COL8A1: variants seen among roughly 807,000 people sequenced by gnomAD.
COL8A1 encodes collagen alpha-1(VIII) chain.
A neutral mutation model predicts 42.7 loss-of-function variants in COL8A1; 21 were observed. The ratio of observed to expected loss-of-function variants is 0.49; its 90% confidence interval spans 0.35 to 0.71. The LOEUF is 0.71. COL8A1 is among the 30% of genes least tolerant of loss of function. COL8A1 has a pLI of 0.01. For missense variants in COL8A1, 788 were observed against 962.4 expected (o/e 0.82, Z 2.40); for synonymous variants, 367 against 369.1 (o/e 0.99, Z 0.06).
At chr3:99,772,045 A>AT (rs1034880257) in intron 2 of COL8A1, among the ~76,000 whole-genome samples, 1 of 152,158 alleles carries the variant, frequency 6.6e-6, no homozygotes, top group Admixed American at 6.6e-5. Flanking sequence ...GCCCACATGC[A>AT]TTTTTTCTTA....
chr3:99,716,773 T>C (rs1045135601), intron 1 of COL8A1, among the ~76,000 whole-genome samples: 2 of 152,046 alleles, frequency 1.3e-5, no homozygotes, highest in African/African-American at 2.4e-5. Context: ...TATTTGACCC[T>C]AAAGCTTGCT....
At chr3:99,732,162 A>C (rs1940529409) in intron 1 of COL8A1, among the ~76,000 whole-genome samples, 2 of 152,304 alleles carry the variant, frequency 1.3e-5, no homozygotes, top group Middle Eastern at 3.4e-3. Flanking sequence ...TAAAACGATT[A>C]ATGCATTCTT....
intron 1 of COL8A1, among the ~76,000 whole-genome samples, chr3:99,667,812 A>G (rs1938412814): frequency 6.6e-6 from 1 of 152,160 alleles, no homozygotes; most frequent in Non-Finnish European, 1.5e-5. Context: ...AAGAAAAACA[A>G]GTGCACTTCC....
intron 1 of COL8A1, among the ~76,000 whole-genome samples, chr3:99,734,074 G>A (rs967962105): frequency 1.4e-4 from 21 of 152,014 alleles, no homozygotes; most frequent in African/African-American, 4.4e-4. Context: ...AGTAGGTTGT[G>A]AAAATTTTCT....
intron 2 of COL8A1, among the ~76,000 whole-genome samples, chr3:99,773,837 A>ATATATATATATATATATATATT (rs1200212756): frequency 2.2e-5 from 1 of 45,400 alleles, no homozygotes; most frequent in Non-Finnish European, 3.6e-5. Flanking sequence ...ATATATATAT[A>ATATATATATATATATATATATT]TTTTTTTTTT....
At chr3:99,672,341 A>G (rs888549488) in intron 1 of COL8A1, among the ~76,000 whole-genome samples, 2 of 151,982 alleles carry the variant, frequency 1.3e-5, no homozygotes, top group Non-Finnish European at 2.9e-5. Context: ...CTTCCATGTC[A>G]ATTGGAACTA....
In COL8A1 at chr3:99,798,971, A is replaced by G. The variant is rs1166711787; in HGVS notation, c.*2835A>G. On this transcript the variant is annotated 3_prime_UTR_variant, in exon 4 of 4. Transcript: ENST00000652472. ...ATTAACCAGAATTCTTCCATGTGAA[A>G]TGGACCAAACTCATATTATTGTTAT... 1.3e-5 allele frequency: 2 copies of G among 152,236 alleles called. No individual in the cohort carries two copies. Among genetic ancestry groups the G allele is most frequent in the Non-Finnish European group, 2.9e-5 (2 of 68,046 alleles). 9.4% of individuals were successfully genotyped at this position (152,236 alleles called of 1,614,324 possible).
intron 2 of COL8A1, among the ~76,000 whole-genome samples, chr3:99,765,451 G>A (rs1379349571): frequency 6.6e-6 from 1 of 152,148 alleles, no homozygotes; most frequent in African/African-American, 2.4e-5. Flanking sequence ...AAGCCAGAGG[G>A]AATTATAGCA....
intron 1 of COL8A1, among the ~76,000 whole-genome samples, chr3:99,696,333 A>G (rs1939364797): frequency 6.6e-6 from 1 of 152,206 alleles, no homozygotes; most frequent in African/African-American, 2.4e-5. Flanking sequence ...CTTATTTCAA[A>G]TATTCTCAAG....
chr3:99,716,948 T>C, intron 1 of COL8A1, among the ~76,000 whole-genome samples: 1 of 151,988 alleles, frequency 6.6e-6, no homozygotes, highest in East Asian at 1.9e-4. Flanking sequence ...TTCTTCAGCA[T>C]TCACTTTGAA....
chr3:99,653,099 T>G (rs959434539), intron 1 of COL8A1, among the ~76,000 whole-genome samples: 1 of 152,182 alleles, frequency 6.6e-6, no homozygotes, highest in African/African-American at 2.4e-5. Flanking sequence ...TAAGATAACA[T>G]GTAAGAAAGT....
intron 1 of COL8A1, chr3:99,685,441 T>C (rs1437799022): frequency 1.3e-5 from 2 of 152,242 alleles, no homozygotes; most frequent in South Asian, 4.1e-4. Flanking sequence ...AGTTTCTGCA[T>C]GATCTTAGAA....
intron 1 of COL8A1, among the ~76,000 whole-genome samples, chr3:99,741,891 T>C (rs1940909467): frequency 6.6e-6 from 1 of 152,270 alleles, no homozygotes; most frequent in South Asian, 2.1e-4. Flanking sequence ...ACAAAGAATC[T>C]GGCCATGTTT....
intron 1 of COL8A1, among the ~76,000 whole-genome samples, chr3:99,712,227 G>A (rs1939856735): frequency 6.6e-6 from 1 of 152,118 alleles, no homozygotes; most frequent in East Asian, 1.9e-4. Context: ...GGTTCAAGTG[G>A]TACTTTCTTT....
At chr3:99,788,194 T>C (rs1302493095) in intron 2 of COL8A1, among the ~76,000 whole-genome samples, 2 of 152,122 alleles carry the variant, frequency 1.3e-5, no homozygotes, top group Non-Finnish European at 2.9e-5. Context: ...GGCCCTTATA[T>C]AAATATTCAC....
intron 1 of COL8A1, among the ~76,000 whole-genome samples, chr3:99,737,320 T>C (rs1559623145): frequency 6.6e-6 from 1 of 152,134 alleles, no homozygotes. Context: ...TTCTTCCTAG[T>C]CTCGATGGTC....
At chr3:99,657,039 T>C (rs1305466905) in intron 1 of COL8A1, among the ~76,000 whole-genome samples, 4 of 152,224 alleles carry the variant, frequency 2.6e-5, no homozygotes, top group Non-Finnish European at 4.4e-5. Context: ...ATTCAAACCT[T>C]AAGATGGTTT....
At position 99,797,095 on chromosome 3, in the gene COL8A1, T is replaced by C. The variant is rs945496992; in HGVS notation, c.*959T>C. On this transcript the variant is annotated 3_prime_UTR_variant, in exon 4 of 4. Coordinates refer to ENST00000652472, the MANE Select transcript of COL8A1 (RefSeq NM_020351.4). ...AAATTTGTGGAATATTTATTTGTAA[T>C]AGCAGTTATCAGTTATGCTTATATA... 30 of 152,226 alleles carry C rather than the reference T, an allele frequency of 2.0e-4. No homozygotes were observed. Among genetic ancestry groups the C allele is most frequent in the African/African-American group, 7.0e-4 (29 of 41,466 alleles). The allele number at this position is 152,226 out of a possible 1,614,324, so 9.4% of individuals were successfully genotyped here. A position where few individuals can be genotyped will look rare whatever the true frequency, so the allele number is the denominator to read the frequency against.
chr3:99,702,487 A>G (rs1206072512), intron 1 of COL8A1, among the ~76,000 whole-genome samples: 1 of 152,180 alleles, frequency 6.6e-6, no homozygotes, highest in Non-Finnish European at 1.5e-5. Flanking sequence ...GAACATAAAT[A>G]AAGATAAGTT....
Sources: allele counts gnomAD v4.1 joint callset (sites outside exome capture counted in the v4.1 genomes callset), GRCh38; gene constraint gnomAD v4.1.1; transcripts MANE v1.5; gene names NCBI Gene and HGNC (gene_info 2026-07-23, HGNC 2026-07-21).